CUX1: variants seen among roughly 807,000 people sequenced by gnomAD.
The protein encoded by CUX1 is protein CASP.
In CUX1, 31 loss-of-function variants were observed where a neutral mutation model predicts 158.8. The ratio of observed to expected loss-of-function variants is 0.20; its 90% CI spans 0.15 to 0.26. The LOEUF (loss-of-function observed/expected upper bound fraction) is 0.26. Among genes scored for constraint, CUX1 ranks in the 10% least tolerant of loss-of-function variants. The pLI, the probability that CUX1 is intolerant of heterozygous loss-of-function variation, is 1.00. For synonymous variants in CUX1, 879 were observed against 862.1 expected, an observed-to-expected ratio of 1.02 and a Z score of -0.34; for missense variants, 1,589 against 2,014.6, an observed-to-expected ratio of 0.79 and a Z score of 4.04.
At chr7:102,170,194 A>C (rs571045751) in intron 9 of CUX1, among the ~76,000 whole-genome samples, 14 of 152,350 alleles carry the variant, frequency 9.2e-5, no homozygotes, top group Admixed American at 8.5e-4. Context: ...GGGCCGGAGT[A>C]TTAGTATCAG....
At chr7:102,174,995 C>T (rs1344107951) in intron 10 of CUX1, among the ~76,000 whole-genome samples, 1 of 152,186 alleles carries the variant, frequency 6.6e-6, no homozygotes, top group Non-Finnish European at 1.5e-5. Flanking sequence ...ATGGTCATGT[C>T]TGTGTCATTT....
rs368974710 is a variant in CUX1, at chr7:102,070,427, G to A, written c.268+10G>A. The stretch of plus-strand genomic sequence containing the variant: ...TTGATTGACGTCCCAGGTAAGCCCC[G>A]GCAGTAATGGCCCACCAGTGGGGGG... On this transcript the variant is annotated intron_variant, in intron 4 of 23. Coordinates refer to ENST00000292535, the MANE Select transcript of CUX1 (RefSeq NM_181552.4). 2.4e-5 allele frequency: 38 copies of A among 1,603,024 alleles called. No homozygotes were observed. Among genetic ancestry groups the A allele is most frequent in the African/African-American group, 1.5e-4 (11 of 74,082 alleles).
At chr7:101,972,394 C>T (rs763188219) in intron 2 of CUX1, among the ~76,000 whole-genome samples, 14 of 152,172 alleles carry the variant, frequency 9.2e-5, no homozygotes, top group East Asian at 1.9e-4. Flanking sequence ...AGACACATAC[C>T]GTTCGGGGAC....
chr7:101,862,808 C>G (rs1301606437), intron 1 of CUX1, among the ~76,000 whole-genome samples: 1 of 151,878 alleles, frequency 6.6e-6, no homozygotes, highest in Non-Finnish European at 1.5e-5. Flanking sequence ...AAGTTTAGAG[C>G]TCAGAGAGGA....
intron 1 of CUX1, among the ~76,000 whole-genome samples, chr7:101,873,151 G>C (rs189742716): frequency 6.7e-6 from 1 of 149,488 alleles, no homozygotes; most frequent in African/African-American, 2.5e-5. Flanking sequence ...GATTACAGGC[G>C]TGAGCCACCG....
chr7:101,920,133 T>G (rs1202581029), intron 2 of CUX1, among the ~76,000 whole-genome samples: 1 of 151,714 alleles, frequency 6.6e-6, no homozygotes, highest in African/African-American at 2.4e-5. Context: ...TGTGTTTTTT[T>G]TTTTTTCTTC....
intron 2 of CUX1, among the ~76,000 whole-genome samples, chr7:101,990,504 G>C (rs1245391605): frequency 6.6e-6 from 1 of 152,134 alleles, no homozygotes; most frequent in Non-Finnish European, 1.5e-5. Flanking sequence ...AGCCTCCCAA[G>C]TAGCTGGGAT....
In CUX1 at chr7:102,255,438, A is replaced by G. The variant is rs1383777937; in HGVS notation, c.*6396A>G. ...GCTGGCGAGAGAAAGACATTTGGCT[A>G]TGCATAAATGTGCACTTCCCCCATG... On this transcript the variant is annotated 3_prime_UTR_variant, in exon 24 of 24. Coordinates refer to ENST00000292535, the MANE Select transcript of CUX1 (RefSeq NM_181552.4). The G allele has an allele frequency of 1.0e-6, 1 of 984,366 alleles. No individual in the cohort carries two copies. The highest frequency in any genetic ancestry group is 1.8e-5 in the African/African-American group (1 of 57,038). 61.0% of individuals were successfully genotyped at this position (984,366 alleles called of 1,614,324 possible).
intron 9 of CUX1, among the ~76,000 whole-genome samples, 195 bp from the exon 10 acceptor site, chr7:102,170,251 C>T (rs1554510011): frequency 6.6e-6 from 1 of 152,192 alleles, no homozygotes; most frequent in Non-Finnish European, 1.5e-5. Context: ...CATAATCGCT[C>T]AATTATTTCT....
Position 102,254,462 on chromosome 7 carries a change from T to G in CUX1, c.*5420T>G. On this transcript the variant is annotated 3_prime_UTR_variant, in exon 24 of 24. Coordinates refer to ENST00000292535, the MANE Select transcript of CUX1 (RefSeq NM_181552.4). ...CCTACACGCCCCGTCCACAGTGGCA[T>G]CACCCTCTTATCCCAAAAGAATATG... 1.0e-6 allele frequency: 1 copy of G among 985,508 alleles called. No homozygotes were observed. Among genetic ancestry groups the G allele is most frequent in the Non-Finnish European group, 1.2e-6 (1 of 829,974 alleles). The allele number at this position is 985,508 out of a possible 1,614,324, so 61.0% of individuals were successfully genotyped here.
chr7:101,947,318 C>G (rs1808506136), intron 2 of CUX1, among the ~76,000 whole-genome samples: 1 of 152,140 alleles, frequency 6.6e-6, no homozygotes, highest in Non-Finnish European at 1.5e-5. Context: ...TGCTTGCACC[C>G]AGGAGCTCGA....
chr7:102,230,499 A>T (rs563352699), intron 21 of CUX1, among the ~76,000 whole-genome samples: 64 of 140,028 alleles, frequency 4.6e-4, no homozygotes, highest in South Asian at 3.9e-3. Context: ...AAAAAAAATT[A>T]AAAAAAAAAA....
intron 1 of CUX1, among the ~76,000 whole-genome samples, chr7:101,832,119 A>G (rs1468066754): frequency 6.6e-6 from 1 of 152,184 alleles, no homozygotes; most frequent in Non-Finnish European, 1.5e-5. Flanking sequence ...GAAGCCCCAC[A>G]TGGAAGGCGG....
intron 5 of CUX1, among the ~76,000 whole-genome samples, chr7:102,103,391 C>T (rs1173182911): frequency 2.6e-5 from 4 of 151,814 alleles, no homozygotes; most frequent in African/African-American, 9.7e-5. Flanking sequence ...CCTTTTCTGT[C>T]TCCCTCTCTT....
chr7:101,880,029 G>T (rs1380250959), intron 1 of CUX1, among the ~76,000 whole-genome samples: 1 of 152,148 alleles, frequency 6.6e-6, no homozygotes, highest in Non-Finnish European at 1.5e-5. Context: ...TTGGATCGCA[G>T]CATATACCTT....
intron 2 of CUX1, among the ~76,000 whole-genome samples, chr7:101,974,546 A>G (rs965292246): frequency 6.6e-6 from 1 of 152,222 alleles, no homozygotes; most frequent in East Asian, 1.9e-4. Flanking sequence ...AGGCTATGAG[A>G]TGAAAGTCAG....
chr7:101,878,698 A>T (rs62463731), intron 1 of CUX1, among the ~76,000 whole-genome samples: 15 of 151,834 alleles, frequency 9.9e-5, no homozygotes, highest in African/African-American at 3.6e-4. Flanking sequence ...TTTAAGAGAC[A>T]GAGTTTCACT....
chr7:102,276,871 G>C (rs1445822353), intron 17 of CUX1, among the ~76,000 whole-genome samples: 1 of 152,126 alleles, frequency 6.6e-6, no homozygotes, highest in African/African-American at 2.4e-5. Context: ...TCTGGAATTA[G>C]GTAGTGGGGA....
chr7:102,085,706 AAT>A (rs1285292941), intron 4 of CUX1, among the ~76,000 whole-genome samples: 1 of 152,204 alleles, frequency 6.6e-6, no homozygotes, highest in African/African-American at 2.4e-5. Flanking sequence ...CTAATACAGA[AAT>A]ATACAACTAT....
Sources: allele counts gnomAD v4.1 joint callset (sites outside exome capture counted in the v4.1 genomes callset), GRCh38; gene constraint gnomAD v4.1.1; transcripts MANE v1.5; gene names NCBI Gene and HGNC (gene_info 2026-07-23, HGNC 2026-07-21).